FZD6: variants seen among roughly 807,000 people sequenced by gnomAD.
FZD6 encodes frizzled-6.
Under a neutral mutation model 61.4 loss-of-function variants are expected in FZD6, and 49 were observed. The ratio of observed to expected loss-of-function variants is 0.80; its 90% CI spans 0.63 to 1.01. The LOEUF is 1.01. Ranked by LOEUF, FZD6 falls within the 50% of genes least tolerant of loss-of-function variation. The pLI, the probability that FZD6 is intolerant of heterozygous loss-of-function variation, is 0.00. For synonymous variants in FZD6, 265 were observed against 292.2 expected, an observed-to-expected ratio of 0.91 and a Z score of 0.95; for missense variants, 724 against 848.2, an observed-to-expected ratio of 0.85 and a Z score of 1.82.
chr8:103,331,414 GA>G lies in FZD6; in HGVS notation c.2028del (p.Glu676AspfsTer19). On this transcript the variant is annotated frameshift_variant, in exon 7 of 7. Transcript: ENST00000358755. LOFTEE classifies it low-confidence loss of function (END_TRUNC). ...CAATTTGCAGGTCCCCAGTTCTTCAGAACCAAGCAGCCTCAAAGGTTCCACA... is the reference window on the plus strand; with the variant it reads ...CAATTTGCAGGTCCCCAGTTCTTCAGACCAAGCAGCCTCAAAGGTTCCACA... Reference protein sequence around the residue: ...SNNLQVPSSSEPSSLKGSTSL... With the variant: ...SNNLQVPSSSXPSSLKGSTSL... 6.2e-7 allele frequency: 1 copy of G among 1,610,692 alleles called. No homozygotes were observed. The highest frequency in any genetic ancestry group is 8.5e-7 in the Non-Finnish European group (1 of 1,176,956).
intron 3 of FZD6, among the ~76,000 whole-genome samples, chr8:103,322,846 T>A (rs1306813753): frequency 6.6e-6 from 1 of 152,110 alleles, no homozygotes; most frequent in Non-Finnish European, 1.5e-5. Flanking sequence ...CCATAGAAAC[T>A]CTTACACAGA....
chr8:103,309,976 A>G (rs1316576754), intron 2 of FZD6, among the ~76,000 whole-genome samples: 1 of 152,108 alleles, frequency 6.6e-6, no homozygotes. Flanking sequence ...GTGAAACTCT[A>G]GTTACAGGTT....
At position 103,300,047 on chromosome 8, in the gene FZD6, T is replaced by A. The variant is rs1020611585; in HGVS notation, c.-61T>A. On this transcript the variant is annotated 5_prime_UTR_variant, in exon 2 of 7. Coordinates refer to ENST00000358755, the MANE Select transcript of FZD6 (RefSeq NM_003506.4). Reference sequence around the variant, plus strand: ...AACATTTTATCTTTGGATGGGGATCTTCTGAGGATGCAAAGAGTGATTCAT... The same window carrying A: ...AACATTTTATCTTTGGATGGGGATCATCTGAGGATGCAAAGAGTGATTCAT... 2.0e-6 allele frequency: 2 copies of A among 976,624 alleles called. No homozygotes were observed. The highest frequency in any genetic ancestry group is 1.3e-5 in the South Asian group (1 of 77,100). The allele number at this position is 976,624 out of a possible 1,614,324, so 60.5% of individuals were successfully genotyped here.
At position 103,324,762 on chromosome 8, in the gene FZD6, C is replaced by A; in HGVS notation, c.656C>A (p.Thr219Asn). 3 of 1,613,950 alleles carry A rather than the reference C, an allele frequency of 1.9e-6. No homozygotes were observed. The highest frequency in any genetic ancestry group is 2.5e-6 in the Non-Finnish European group (3 of 1,179,856). The change falls in exon 4 of 7, where the codon ACT becomes AAT. Residue 219 changes from threonine (T) to asparagine (N), a missense_variant. Transcript: ENST00000358755. ...CLCATLFTFL[T>N]FLIDVRRFRY... ...TGTGCAACTCTGTTCACATTCCTTA[C>A]TTTTTTAATTGATGTTAGAAGATTC...
chr8:103,304,087 C>T (rs933198345), intron 2 of FZD6, among the ~76,000 whole-genome samples: 1 of 152,070 alleles, frequency 6.6e-6, no homozygotes, highest in Non-Finnish European at 1.5e-5. Flanking sequence ...CCTTTAGTTT[C>T]TGCTGGTTCC....
intron 2 of FZD6, among the ~76,000 whole-genome samples, chr8:103,307,230 C>T (rs533873632): frequency 1.3e-5 from 2 of 152,232 alleles, no homozygotes; most frequent in African/African-American, 2.4e-5. Context: ...AAATTCTAGC[C>T]CAGACTTTCC....
chr8:103,307,589 C>T (rs1023498828), intron 2 of FZD6, among the ~76,000 whole-genome samples: 1 of 152,128 alleles, frequency 6.6e-6, no homozygotes, highest in Non-Finnish European at 1.5e-5. Context: ...CTTGTTTACT[C>T]ATTTCCAAAA....
intron 4 of FZD6, among the ~76,000 whole-genome samples, chr8:103,327,662 C>T (rs59894447): frequency 6.6e-6 from 1 of 151,940 alleles, no homozygotes; most frequent in Non-Finnish European, 1.5e-5. Flanking sequence ...ACAGAATGGT[C>T]TCCAAGAAAT....
At chr8:103,303,853 T>A (rs955933741) in intron 2 of FZD6, among the ~76,000 whole-genome samples, 1 of 152,232 alleles carries the variant, frequency 6.6e-6, no homozygotes, top group Non-Finnish European at 1.5e-5. Flanking sequence ...TTTTAACCAT[T>A]TCTAGTTATT....
Position 103,311,502 on chromosome 8 carries a change from C to T in FZD6, c.178-7088C>T, listed in dbSNP as rs1171181574. ...CCTGTAATCCCAGCATTTTGGGAGG[C>T]TGAGGCAGGAGAATCACTTGAGCTC... On this transcript the variant is annotated intron_variant, in intron 2 of 6. Coordinates refer to ENST00000358755, the MANE Select transcript of FZD6 (RefSeq NM_003506.4). Among the ~76,000 whole-genome samples the T allele has an allele frequency of 2.6e-5, 4 of 152,008 alleles. No homozygotes were observed. The East Asian group carries it at 5.8e-4, about 22-fold the overall frequency.
At chr8:103,308,106 C>T (rs1814392566) in intron 2 of FZD6, among the ~76,000 whole-genome samples, 1 of 152,166 alleles carries the variant, frequency 6.6e-6, no homozygotes, top group African/African-American at 2.4e-5. Flanking sequence ...GCTATTGGAT[C>T]TGGGCACTCT....
intron 3 of FZD6, among the ~76,000 whole-genome samples, chr8:103,323,675 C>T (rs1284989515): frequency 3.3e-5 from 5 of 152,212 alleles, no homozygotes; most frequent in African/African-American, 4.8e-5. Flanking sequence ...AAGTTATCCA[C>T]CTGCCTCAGC....
intron 2 of FZD6, among the ~76,000 whole-genome samples, chr8:103,310,798 C>G (rs827536): frequency 2.6e-5 from 4 of 151,984 alleles, no homozygotes; most frequent in African/African-American, 9.7e-5. Flanking sequence ...TAAAACCAAG[C>G]TAAGTGGTTA....
At chr8:103,325,540 T>C in intron 4 of FZD6, 42 bp downstream of exon 4, 1 of 1,421,302 alleles carries the variant, frequency 7.0e-7, no homozygotes. Flanking sequence ...TTACATTTAA[T>C]GTAGAAAATG....
At chr8:103,324,134 T>C (rs896403392) in intron 3 of FZD6, among the ~76,000 whole-genome samples, 1 of 152,354 alleles carries the variant, frequency 6.6e-6, no homozygotes, top group Middle Eastern at 3.4e-3. Context: ...CCAGTACTTA[T>C]CTGGAGCCTA....
intron 2 of FZD6, among the ~76,000 whole-genome samples, chr8:103,310,437 AT>A (rs1007684577): frequency 1.3e-5 from 2 of 150,984 alleles, no homozygotes; most frequent in East Asian, 1.9e-4. Flanking sequence ...ACAACCTGCT[AT>A]TTTTTTTTAA....
At chr8:103,317,894 A>C (rs1376317757) in intron 2 of FZD6, among the ~76,000 whole-genome samples, 1 of 151,982 alleles carries the variant, frequency 6.6e-6, no homozygotes, top group Non-Finnish European at 1.5e-5. Context: ...TGGCCTGAGC[A>C]ACTTGGTAAA....
At chr8:103,323,214 C>T (rs917232084) in intron 3 of FZD6, among the ~76,000 whole-genome samples, 1 of 152,058 alleles carries the variant, frequency 6.6e-6, no homozygotes, top group East Asian at 1.9e-4. Context: ...GTAATGAATA[C>T]TTCTGAGGAG....
intron 5 of FZD6, among the ~76,000 whole-genome samples, chr8:103,329,009 AGT>A (rs1815040916): frequency 1.4e-4 from 14 of 98,814 alleles, no homozygotes; most frequent in African/African-American, 6.6e-4. Flanking sequence ...AATTCATTTT[AGT>A]TTTATATATA....
Sources: allele counts gnomAD v4.1 joint callset (sites outside exome capture counted in the v4.1 genomes callset), GRCh38; gene constraint gnomAD v4.1.1; transcripts MANE v1.5; gene names NCBI Gene and HGNC (gene_info 2026-07-23, HGNC 2026-07-21).